Variants in DIP2C observed in about 807,000 individuals in gnomAD.
DIP2C encodes the protein DIP2 acetate--CoA ligase C (putative).
DIP2C carries 33 observed loss-of-function variants against 192.4 expected under a neutral mutation model. That is an observed-to-expected ratio of 0.17 (90% CI 0.13 to 0.23). DIP2C has a LOEUF of 0.23. DIP2C is among the 10% of genes least tolerant of loss of function. DIP2C has a pLI of 1.00. For missense variants in DIP2C, 1,537 were observed against 2,110.1 expected, an observed-to-expected ratio of 0.73 and a Z score of 5.32; for synonymous variants, 979 against 864.1, an observed-to-expected ratio of 1.13 and a Z score of -2.33.
chr10:601,357 A>C (rs935087185), intron 1 of DIP2C, among the ~76,000 whole-genome samples: 1 of 45,996 alleles, frequency 2.2e-5, no homozygotes, highest in Admixed American at 2.2e-4. Flanking sequence ...TTCCCATTTT[A>C]GATGTCCAAA....
chr10:424,394 C>T (rs1354788584), intron 4 of DIP2C, among the ~76,000 whole-genome samples: 4 of 107,092 alleles, frequency 3.7e-5, no homozygotes, highest in Admixed American at 2.7e-4. Flanking sequence ...GAGACAGAGT[C>T]TTCCTCTGTT....
intron 1 of DIP2C, among the ~76,000 whole-genome samples, chr10:606,281 A>AG: frequency 6.6e-6 from 1 of 152,216 alleles, no homozygotes; most frequent in South Asian, 2.1e-4. Context: ...GCTCTGTCCG[A>AG]GGGGGAAGAC....
intron 1 of DIP2C, among the ~76,000 whole-genome samples, chr10:598,974 T>C (rs1399911988): frequency 6.6e-6 from 1 of 152,266 alleles, no homozygotes; most frequent in Non-Finnish European, 1.5e-5. Context: ...ATCGAGCCTT[T>C]GAGGCACAGG....
intron 1 of DIP2C, among the ~76,000 whole-genome samples, chr10:574,697 G>C (rs1850043654): frequency 6.6e-6 from 1 of 152,212 alleles, no homozygotes; most frequent in South Asian, 2.1e-4. Flanking sequence ...CATAACCACA[G>C]AGGTGTTTAT....
chr10:597,205 G>T (rs1851760599), intron 1 of DIP2C, among the ~76,000 whole-genome samples: 1 of 152,194 alleles, frequency 6.6e-6, no homozygotes, highest in Non-Finnish European at 1.5e-5. Flanking sequence ...GTGCTCCTGG[G>T]TCTCAGCTCC....
chr10:306,616 G>C (rs1235473537), intron 32 of DIP2C, among the ~76,000 whole-genome samples: 1 of 152,212 alleles, frequency 6.6e-6, no homozygotes, highest in African/African-American at 2.4e-5. Context: ...TATAGGAAGA[G>C]TAACAAGAAA....
chr10:678,669 A>T (rs1466554355), intron 1 of DIP2C, among the ~76,000 whole-genome samples: 1 of 6,478 alleles, frequency 1.5e-4, no homozygotes, highest in African/African-American at 2.2e-4. Context: ...CCCTGTGCCC[A>T]GCTCCCCACG....
At chr10:594,707 GCA>G (rs1232413069) in intron 1 of DIP2C, among the ~76,000 whole-genome samples, 2 of 152,174 alleles carry the variant, frequency 1.3e-5, no homozygotes, top group Non-Finnish European at 2.9e-5. Flanking sequence ...CTAGTGAAGG[GCA>G]GGTCTCGTCG....
chr10:417,593 A>G (rs1965729849), intron 6 of DIP2C, among the ~76,000 whole-genome samples: 1 of 150,922 alleles, frequency 6.6e-6, no homozygotes. Flanking sequence ...CGCCTGTTGG[A>G]GCTAGGATAG....
chr10:339,448 G>A (rs1345907930), intron 29 of DIP2C, among the ~76,000 whole-genome samples: 1 of 151,726 alleles, frequency 6.6e-6, no homozygotes, highest in Non-Finnish European at 1.5e-5. Flanking sequence ...AGAGTGTATT[G>A]TTATTGTGGG....
intron 1 of DIP2C, among the ~76,000 whole-genome samples, chr10:555,474 C>A (rs1359192159): frequency 6.6e-6 from 1 of 152,210 alleles, no homozygotes; most frequent in East Asian, 1.9e-4. Context: ...CCAGGCACAC[C>A]CCCAATCTCC....
chr10:305,705 T>C (rs559230961), intron 32 of DIP2C, among the ~76,000 whole-genome samples: 13 of 152,254 alleles, frequency 8.5e-5, no homozygotes, highest in African/African-American at 3.1e-4. Context: ...AGTGCAGCGG[T>C]GTGATCATGG....
chr10:637,677 T>C (rs891027520), intron 1 of DIP2C, among the ~76,000 whole-genome samples: 49 of 152,146 alleles, frequency 3.2e-4, no homozygotes, highest in Non-Finnish European at 1.5e-4. Context: ...ACACAAACAT[T>C]ACAAAAGCCC....
At chr10:570,336 C>A (rs1046502470) in intron 1 of DIP2C, among the ~76,000 whole-genome samples, 1 of 152,166 alleles carries the variant, frequency 6.6e-6, no homozygotes, top group Non-Finnish European at 1.5e-5. Flanking sequence ...AGCACAGGGC[C>A]CTGCTGACAC....
intron 1 of DIP2C, chr10:663,187 T>C (rs1394488847): frequency 2.6e-6 from 1 of 386,488 alleles, no homozygotes; most frequent in African/African-American, 2.0e-5. Flanking sequence ...AAATAAACTG[T>C]GGAAAACTGG....
chr10:365,921 G>A (rs1960135412), intron 19 of DIP2C, among the ~76,000 whole-genome samples: 1 of 152,226 alleles, frequency 6.6e-6, no homozygotes, highest in Non-Finnish European at 1.5e-5. Flanking sequence ...TGTAGCCCAG[G>A]CCAAGGGGCT....
intron 1 of DIP2C, among the ~76,000 whole-genome samples, chr10:589,984 G>A (rs560350452): frequency 2.2e-4 from 34 of 152,354 alleles, no homozygotes; most frequent in African/African-American, 7.5e-4. Context: ...AGATTCTGAC[G>A]GTTGACTAGA....
At chr10:493,602 T>A (rs1844607869) in intron 1 of DIP2C, among the ~76,000 whole-genome samples, 1 of 152,088 alleles carries the variant, frequency 6.6e-6, no homozygotes, top group Non-Finnish European at 1.5e-5. Context: ...CCTCATGGCT[T>A]GAGAGCAAGT....
chr10:599,047 A>C (rs761890916), intron 1 of DIP2C, among the ~76,000 whole-genome samples: 2 of 152,204 alleles, frequency 1.3e-5, no homozygotes, highest in Non-Finnish European at 2.9e-5. Flanking sequence ...CGTGTGGAAT[A>C]AAGTAAGTGA....
Sources: allele counts gnomAD v4.1 joint callset (sites outside exome capture counted in the v4.1 genomes callset), GRCh38; gene constraint gnomAD v4.1.1; transcripts MANE v1.5; gene names NCBI Gene and HGNC (gene_info 2026-07-23, HGNC 2026-07-21).